ALG14: variants seen among roughly 807,000 people sequenced by gnomAD.
ALG14 encodes the protein ALG14 UDP-N-acetylglucosaminyltransferase subunit, also known as UDP-N-acetylglucosamine transferase subunit ALG14.
In ALG14, 17 loss-of-function variants were observed where a neutral mutation model predicts 22.8. The observed-to-expected ratio is 0.75, with a 90% CI of 0.51 to 1.12. The LOEUF is 1.12. Among genes scored for constraint, ALG14 ranks in the 50% most tolerant of loss-of-function variants. The probability of loss-of-function intolerance (pLI) is 0.00; values close to 1 mark genes in which losing one functional copy is unlikely to be tolerated. For synonymous variants in ALG14, 89 were observed against 103.7 expected, an observed-to-expected ratio of 0.86 and a Z score of 0.86; for missense variants, 288 against 271.8, an observed-to-expected ratio of 1.06 and a Z score of -0.42.
intron 3 of ALG14, among the ~76,000 whole-genome samples, chr1:95,009,211 T>C (rs1673298464): frequency 6.7e-6 from 1 of 150,254 alleles, no homozygotes; most frequent in Non-Finnish European, 1.5e-5. Context: ...TTTATTTTTA[T>C]ATTTATAAAA....
At chr1:94,999,722 C>A (rs1329716668) in intron 3 of ALG14, among the ~76,000 whole-genome samples, 2 of 152,206 alleles carry the variant, frequency 1.3e-5, no homozygotes, top group Non-Finnish European at 2.9e-5. Flanking sequence ...TCTTATCCTG[C>A]TGGGAAAGGA....
chr1:94,997,927 CA>C (rs1284733916), intron 3 of ALG14, among the ~76,000 whole-genome samples: 1 of 152,098 alleles, frequency 6.6e-6, no homozygotes, highest in Non-Finnish European at 1.5e-5. Flanking sequence ...TCTCCTCCTC[CA>C]AATCCCACTG....
At chr1:94,988,152 T>C (rs1360114527) in intron 3 of ALG14, among the ~76,000 whole-genome samples, 1 of 152,134 alleles carries the variant, frequency 6.6e-6, no homozygotes, top group African/African-American at 2.4e-5. Flanking sequence ...CTTCTGTTTA[T>C]AGGGTATTGG....
chr1:94,994,944 C>T (rs1485422507), intron 3 of ALG14, among the ~76,000 whole-genome samples: 1 of 152,070 alleles, frequency 6.6e-6, no homozygotes, highest in African/African-American at 2.4e-5. Flanking sequence ...AACATTTTCA[C>T]AAGAAAAGGG....
intron 3 of ALG14, among the ~76,000 whole-genome samples, chr1:95,000,990 T>C (rs997457209): frequency 2.6e-5 from 4 of 152,218 alleles, no homozygotes; most frequent in Non-Finnish European, 5.9e-5. Flanking sequence ...ACAGCCACAA[T>C]AGGAGGTAGC....
chr1:95,033,555 T>C (rs977724089), intron 2 of ALG14, among the ~76,000 whole-genome samples: 24 of 151,924 alleles, frequency 1.6e-4, no homozygotes, highest in African/African-American at 5.6e-4. Flanking sequence ...TATTATATTT[T>C]CCACCACAAT....
At chr1:95,045,589 T>C (rs1443446206) in intron 2 of ALG14, among the ~76,000 whole-genome samples, 1 of 152,008 alleles carries the variant, frequency 6.6e-6, no homozygotes, top group Non-Finnish European at 1.5e-5. Flanking sequence ...ATTGTATTAG[T>C]ATACTAATTG....
chr1:95,006,153 T>C (rs1464760774), intron 3 of ALG14, among the ~76,000 whole-genome samples: 1 of 152,206 alleles, frequency 6.6e-6, no homozygotes, highest in Non-Finnish European at 1.5e-5. Flanking sequence ...CTGGTCTGAA[T>C]TGTAGCTGTC....
chr1:95,044,797 C>A (rs1321924300), intron 2 of ALG14, among the ~76,000 whole-genome samples: 1 of 151,952 alleles, frequency 6.6e-6, no homozygotes, highest in African/African-American at 2.4e-5. Context: ...GTTTTTTGTT[C>A]ACTTGTGTAT....
intron 1 of ALG14, among the ~76,000 whole-genome samples, chr1:95,068,516 C>T (rs1032077672): frequency 6.6e-5 from 10 of 152,162 alleles, no homozygotes; most frequent in Non-Finnish European, 1.5e-4. Context: ...TCTTGAACTC[C>T]TGACCTCAGG....
intron 1 of ALG14, among the ~76,000 whole-genome samples, chr1:95,066,717 C>T (rs1420349088): frequency 1.3e-5 from 2 of 151,988 alleles, no homozygotes; most frequent in African/African-American, 4.8e-5. Flanking sequence ...ATTTTAGTAT[C>T]TTTGGTTTAG....
chr1:95,039,910 C>G (rs184364301), intron 2 of ALG14, among the ~76,000 whole-genome samples: 1 of 152,036 alleles, frequency 6.6e-6, no homozygotes, highest in Non-Finnish European at 1.5e-5. Context: ...CAGTGACTCA[C>G]GCCTGTAATC....
intron 3 of ALG14, among the ~76,000 whole-genome samples, chr1:95,019,153 T>G (rs984333137): frequency 1.3e-5 from 2 of 152,236 alleles, no homozygotes; most frequent in Non-Finnish European, 2.9e-5. Flanking sequence ...CAAATGGAAT[T>G]TGCTGCCCTT....
chr1:94,993,731 G>A (rs963416451), intron 3 of ALG14, among the ~76,000 whole-genome samples: 5 of 152,150 alleles, frequency 3.3e-5, no homozygotes, highest in African/African-American at 9.7e-5. Flanking sequence ...TTTTGCCCTC[G>A]TACTAGACTT....
At chr1:95,034,798 T>A (rs1674129777) in intron 2 of ALG14, among the ~76,000 whole-genome samples, 1 of 152,126 alleles carries the variant, frequency 6.6e-6, no homozygotes, top group Admixed American at 6.5e-5. Flanking sequence ...CTCATCCTGA[T>A]CCATTTCCTT....
intron 2 of ALG14, among the ~76,000 whole-genome samples, chr1:95,031,956 G>A (rs905106945): frequency 1.3e-5 from 2 of 152,060 alleles, no homozygotes; most frequent in Admixed American, 6.5e-5. Flanking sequence ...CTACAGGCAC[G>A]CACCACCACA....
chr1:95,056,972 C>T (rs1674956865), intron 2 of ALG14, among the ~76,000 whole-genome samples: 1 of 147,976 alleles, frequency 6.8e-6, no homozygotes, highest in Non-Finnish European at 1.5e-5. Flanking sequence ...TGGAGAATTG[C>T]TTGAACCCAG....
intron 2 of ALG14, among the ~76,000 whole-genome samples, chr1:95,043,053 GT>G (rs940814311): frequency 3.3e-5 from 5 of 151,642 alleles, no homozygotes; most frequent in African/African-American, 9.7e-5. Context: ...TAGCCAAGGG[GT>G]TTTTTTTGTT....
intron 3 of ALG14, among the ~76,000 whole-genome samples, chr1:94,991,133 T>C (rs1200713560): frequency 6.6e-6 from 1 of 152,256 alleles, no homozygotes; most frequent in Non-Finnish European, 1.5e-5. Context: ...TCAACAAATA[T>C]TTTATTGAGC....
Sources: gnomAD v4.1 joint callset for allele counts (sites outside exome capture counted in the v4.1 genomes callset) on GRCh38, gnomAD v4.1.1 for gene constraint, MANE v1.5 for transcripts, NCBI Gene and HGNC (gene_info 2026-07-23, HGNC 2026-07-21) for gene names.